Variants in PRR5 observed in about 807,000 individuals in gnomAD.
The protein encoded by PRR5 is proline-rich protein 5.
PRR5 carries 25 observed loss-of-function variants against 30.6 expected under a neutral mutation model. That is an observed-to-expected ratio of 0.82 (90% CI 0.60 to 1.14). PRR5 has a LOEUF of 1.14. Ranked by LOEUF, PRR5 falls within the 50% of genes most tolerant of loss-of-function variation. The pLI is 0.00. For synonymous variants in PRR5, 286 were observed against 247.1 expected (o/e 1.16, Z -1.48); for missense variants, 600 against 547.1 (o/e 1.10, Z -0.96).
chr22:44,687,390 G>A (rs1400157381), intron 1 of PRR5, among the ~76,000 whole-genome samples: 2 of 152,092 alleles, frequency 1.3e-5, no homozygotes, highest in Admixed American at 1.3e-4. Flanking sequence ...AGCAGCCTAC[G>A]GCTGTCACAG....
At chr22:44,696,924 A>G (rs1404352936) in intron 1 of PRR5, among the ~76,000 whole-genome samples, 1 of 151,908 alleles carries the variant, frequency 6.6e-6, no homozygotes, top group East Asian at 1.9e-4. Flanking sequence ...TTTAGTAGAG[A>G]CAGGGTTTCA....
At chr22:44,671,315 G>C (rs1307491151) in intron 1 of PRR5, among the ~76,000 whole-genome samples, 1 of 152,224 alleles carries the variant, frequency 6.6e-6, no homozygotes, top group Non-Finnish European at 1.5e-5. Flanking sequence ...GAACAAAGAG[G>C]TGGCTTCTTG....
upstream of PRR5, among the ~76,000 whole-genome samples, chr22:44,700,229 C>T (rs771947241): frequency 6.6e-6 from 1 of 151,998 alleles, no homozygotes; most frequent in Non-Finnish European, 1.5e-5. Flanking sequence ...TTTAGGAGGC[C>T]GAGGTGGGAG....
chr22:44,733,885 G>A (rs865859655), intron 6 of PRR5, among the ~76,000 whole-genome samples: 16 of 152,144 alleles, frequency 1.1e-4, no homozygotes, highest in Non-Finnish European at 2.1e-4. Flanking sequence ...GGCCTGGACC[G>A]TGCCTCACTC....
chr22:44,729,870 C>T (rs1398118068), intron 4 of PRR5: 18 of 985,374 alleles, frequency 1.8e-5, no homozygotes, highest in Admixed American at 6.1e-5. Context: ...CACCCCCCGG[C>T]CAGCCCGGGA....
chr22:44,713,102 C>T (rs887221407), intron 1 of PRR5, among the ~76,000 whole-genome samples: 4 of 152,234 alleles, frequency 2.6e-5, no homozygotes, highest in East Asian at 1.9e-4. Flanking sequence ...TCAGGATGCC[C>T]GGGAGTGTGG....
chr22:44,712,510 GAGA>G (rs1345459769), intron 1 of PRR5, among the ~76,000 whole-genome samples: 2 of 152,216 alleles, frequency 1.3e-5, no homozygotes, highest in Non-Finnish European at 1.5e-5. Flanking sequence ...CGCTGCCTGG[GAGA>G]AGGAGCACAG....
chr22:44,699,613 AG>A (rs1194893201), upstream of PRR5, among the ~76,000 whole-genome samples: 2 of 152,256 alleles, frequency 1.3e-5, no homozygotes, highest in African/African-American at 4.8e-5. Flanking sequence ...AGTCTGTGCT[AG>A]GCACGGGGAC....
At chr22:44,687,376 C>T (rs757119894) in intron 1 of PRR5, among the ~76,000 whole-genome samples, 2 of 152,024 alleles carry the variant, frequency 1.3e-5, no homozygotes, top group African/African-American at 4.8e-5. Flanking sequence ...TAATTGCTCT[C>T]CCAAGCAGCC....
At chr22:44,717,272 A>G (rs1332986002) in intron 2 of PRR5, among the ~76,000 whole-genome samples, 1 of 142,432 alleles carries the variant, frequency 7.0e-6, no homozygotes, top group Admixed American at 7.4e-5. Context: ...GCTCACTGCG[A>G]CCTCCGCCTC....
At chr22:44,683,234 C>A (rs1011356828) in intron 1 of PRR5, among the ~76,000 whole-genome samples, 18 of 152,208 alleles carry the variant, frequency 1.2e-4, no homozygotes, top group Non-Finnish European at 2.6e-4. Flanking sequence ...CTGGCCTTAT[C>A]CCTGCAGTGA....
At chr22:44,726,487 A>G (rs1352595914) in intron 3 of PRR5, 90 bp from the exon 4 acceptor site, 8 of 1,590,684 alleles carry the variant, frequency 5.0e-6, no homozygotes, top group Non-Finnish European at 5.1e-6. Flanking sequence ...TTGGCTGCTC[A>G]CTGGTGGATG....
chr22:44,729,913 G>A, intron 4 of PRR5: 1 of 985,490 alleles, frequency 1.0e-6, no homozygotes, highest in Non-Finnish European at 1.2e-6. Context: ...CGCGGCGGAG[G>A]GGGACTGAAG....
rs375283492 is a variant in PRR5, at chr22:44,732,355, G to A, written c.519G>A (p.Val173=). The A allele has an allele frequency of 2.5e-5, 41 of 1,611,090 alleles. No homozygotes were observed. The highest frequency in any genetic ancestry group is 6.7e-5 in the Admixed American group (4 of 59,972). ...EDALARAHAR[V]PPAIVQMLLV... ...CGCTGGCCCGGGCCCATGCCCGTGT[G>A]CCCCCTGCCATCGTGCAGATGCTGC... The change falls in exon 6 of 8, where the codon GTG becomes GTA. Residue 173 remains valine, a synonymous_variant. Coordinates refer to ENST00000336985, the MANE Select transcript of PRR5 (RefSeq NM_181333.4).
intron 1 of PRR5, among the ~76,000 whole-genome samples, chr22:44,693,590 C>G (rs1464422765): frequency 1.3e-5 from 2 of 149,678 alleles, no homozygotes; most frequent in African/African-American, 4.9e-5. Flanking sequence ...GTCTCTGTAT[C>G]TCTGTGACTT....
rs186619799 is a variant in PRR5 at position 44,679,162 on chromosome 22, G to A, written c.-11+1922G>A. 2.0e-3 allele frequency among the ~76,000 whole-genome samples: 308 copies of A among 152,246 alleles called. 1 individual carries two copies. The highest frequency in any genetic ancestry group is 2.5e-3 in the Non-Finnish European group (173 of 68,012). On this transcript the variant is annotated intron_variant, in intron 1 of 8. Transcript: ENST00000006251. ...GCCACCCCAGGTCCATTCTGCAAAC[G>A]CAGCATTTATTCATGCGAGGGAGGC... is the stretch of plus-strand genomic sequence containing the variant.
intron 7 of PRR5, among the ~76,000 whole-genome samples, chr22:44,736,343 G>A (rs993554980): frequency 6.6e-6 from 1 of 152,220 alleles, no homozygotes; most frequent in African/African-American, 2.4e-5. Flanking sequence ...GCCTCTTTGG[G>A]CTTCTTGGCC....
At chr22:44,700,544 T>A (rs1926165313), upstream of PRR5, among the ~76,000 whole-genome samples, 1 of 152,158 alleles carries the variant, frequency 6.6e-6, no homozygotes, top group African/African-American at 2.4e-5. Flanking sequence ...GAGGGTTGCT[T>A]GAACCCAGGA....
In PRR5 at chr22:44,702,233, C is replaced by T. The variant is rs1038815229; in HGVS notation, c.-242C>T. ...TCCGTTTGCGCCGGGTCTGTGCTGG[C>T]CGCGCGCCTGGCGCTCCACGCTGAG... On this transcript the variant is annotated 5_prime_UTR_variant, in exon 1 of 8. Transcript: ENST00000336985. 137 of 1,116,708 alleles carry T rather than the reference C, an allele frequency of 1.2e-4. No individual in the cohort carries two copies. In the East Asian group the frequency reaches 5.1e-3, roughly 41 times the overall value. 69.2% of individuals were successfully genotyped at this position (1,116,708 alleles called of 1,614,324 possible).
Sources: allele counts gnomAD v4.1 joint callset (sites outside exome capture counted in the v4.1 genomes callset), GRCh38; gene constraint gnomAD v4.1.1; transcripts MANE v1.5; gene names NCBI Gene and HGNC (gene_info 2026-07-23, HGNC 2026-07-21).